Variants in MYCBP2 observed in about 807,000 individuals in gnomAD.
The protein encoded by MYCBP2 is MYC binding protein 2, also known as E3 ubiquitin-protein ligase MYCBP2.
Under a neutral mutation model 525.3 loss-of-function variants are expected in MYCBP2, and 120 were observed. The observed-to-expected ratio is 0.23, with a 90% CI of 0.20 to 0.27. The LOEUF (loss-of-function observed/expected upper bound fraction) is 0.27, where lower values mean the gene tolerates loss of function less well. Among genes scored for constraint, MYCBP2 ranks in the 10% least tolerant of loss-of-function variants. MYCBP2 has a pLI of 1.00. For synonymous variants in MYCBP2, 1,894 were observed against 1,955.8 expected, an observed-to-expected ratio of 0.97 and a Z score of 0.83; for missense variants, 4,149 against 5,657.1, an observed-to-expected ratio of 0.73 and a Z score of 8.55.
chr13:77,164,883 A>G (rs1279292668), intron 42 of MYCBP2, among the ~76,000 whole-genome samples: 1 of 152,240 alleles, frequency 6.6e-6, no homozygotes, highest in Admixed American at 6.5e-5. Flanking sequence ...GGTATAGCCA[A>G]CTGAGCAGGT....
chr13:77,206,717 T>C lies in MYCBP2; in HGVS notation c.3525A>G (p.Glu1175=). Residue 1175 remains glutamate (E), a synonymous_variant, in exon 24 of 83, where the codon GAA becomes GAG. Transcript: ENST00000544440. ...MQSRCSILSP[E]LALPTGSRAL... ...CCCTTGATCCTGTTGGTAAGGCAAGTTCAGGACTTAGGATACTACATCTGG... is the reference window on the plus strand; with the variant it reads ...CCCTTGATCCTGTTGGTAAGGCAAGCTCAGGACTTAGGATACTACATCTGG... 1 of 1,612,544 alleles carries C rather than the reference T, an allele frequency of 6.2e-7. No homozygotes were observed. Among genetic ancestry groups the C allele is most frequent in the African/African-American group, 1.3e-5 (1 of 75,030 alleles).
At chr13:77,288,064 A>T in intron 3 of MYCBP2, 97 bp downstream of exon 3, 1 of 1,240,586 alleles carries the variant, frequency 8.1e-7, no homozygotes, top group Non-Finnish European at 1.1e-6. Flanking sequence ...GTGCAATTTT[A>T]CATAAAGCAA....
chr13:77,228,840 CAG>C (rs1448442445), intron 18 of MYCBP2, among the ~76,000 whole-genome samples: 1 of 151,844 alleles, frequency 6.6e-6, no homozygotes, highest in African/African-American at 2.4e-5. Context: ...TTTGTATACA[CAG>C]AGAAAAAAGA....
In MYCBP2 at chr13:77,177,859, G is replaced by T; in HGVS notation, c.5229C>A (p.Ser1743=). The T allele has an allele frequency of 6.2e-7, 1 of 1,613,756 alleles. No homozygotes were observed. The highest frequency in any genetic ancestry group is 1.3e-5 in the African/African-American group (1 of 75,012). ...CTACTGAAAAACAGATTGCATCAGG[G>T]GACCCGTTCCCAGTGTTCCAACTTC... ...QGRSWNTGNG[S]PDAICFSVDK... is the part of the protein sequence containing the mutation. Residue 1743 remains serine, a synonymous_variant, in exon 35 of 83, where the codon TCC becomes TCA. Transcript: ENST00000544440.
intron 13 of MYCBP2, among the ~76,000 whole-genome samples, chr13:77,259,375 A>G (rs1458402329): frequency 6.6e-6 from 1 of 152,196 alleles, no homozygotes; most frequent in East Asian, 1.9e-4. Context: ...GATCCTCAAA[A>G]AGGCAGTATC....
chr13:77,127,224 CAG>C (rs1183512551), intron 52 of MYCBP2, among the ~76,000 whole-genome samples: 1 of 151,878 alleles, frequency 6.6e-6, no homozygotes, highest in Admixed American at 6.6e-5. Context: ...AACAGAAAAA[CAG>C]ACTATATTTT....
intron 18 of MYCBP2, among the ~76,000 whole-genome samples, chr13:77,231,824 A>G (rs892520712): frequency 3.3e-5 from 5 of 152,254 alleles, no homozygotes; most frequent in African/African-American, 1.2e-4. Context: ...AGTAGAAATC[A>G]TAAAAGATCA....
At chr13:77,146,891 C>G (rs947275857) in intron 47 of MYCBP2, among the ~76,000 whole-genome samples, 2 of 152,054 alleles carry the variant, frequency 1.3e-5, no homozygotes. Flanking sequence ...AATTCCACTT[C>G]TAAGTATGTA....
intron 34 of MYCBP2, 55 bp downstream of exon 34, chr13:77,180,072 G>C (rs1049049121): frequency 7.1e-7 from 1 of 1,402,958 alleles, no homozygotes. Flanking sequence ...AAAAGAAACT[G>C]TGTAAAAAAC....
Position 77,261,263 on chromosome 13 carries a change from A to G in MYCBP2, c.1760T>C (p.Val587Ala). 1.2e-6 allele frequency: 2 copies of G among 1,613,824 alleles called. No individual in the cohort carries two copies. The highest frequency in any genetic ancestry group is 1.7e-6 in the Non-Finnish European group (2 of 1,179,814). The change falls in exon 12 of 83, where the codon GTT (valine) becomes GCT (alanine). Residue 587 changes from valine to alanine, a missense_variant. Val to Ala is a moderately conservative substitution (Grantham distance 64, BLOSUM62 0). Coordinates refer to ENST00000544440, the MANE Select transcript of MYCBP2 (RefSeq NM_015057.5). Reference sequence around the variant, plus strand: ...AAGGGCGTGAGAGCCATCGTGTCCAACTGAGAAGTGTACTATCTTTGGAGA... The same window carrying G: ...AAGGGCGTGAGAGCCATCGTGTCCAGCTGAGAAGTGTACTATCTTTGGAGA... ...TKSPKIVHFS[V>A]GHDGSHALLV...
intron 1 of MYCBP2, among the ~76,000 whole-genome samples, chr13:77,319,938 CG>C (rs1232066379): frequency 6.6e-6 from 1 of 152,116 alleles, no homozygotes; most frequent in East Asian, 1.9e-4. Context: ...ATGTGCACAC[CG>C]GAAGTTTATT....
In MYCBP2 at chr13:77,251,268, G is replaced by A. The variant is rs749153002; in HGVS notation, c.2264C>T (p.Pro755Leu). Residue 755 changes from proline (P) to leucine (L), a missense_variant, in exon 15 of 83, where the codon CCT becomes CTT. Pro to Leu is a moderately conservative substitution (Grantham distance 98). This residue lies in a region of MYCBP2 where 620 missense variants were observed against 795.5 expected (regional missense o/e 0.78). Transcript: ENST00000544440. ...CAGCTTCCATTTGTGCATGCCTGGA[G>A]GGCACATCATAGACTTCTCATCTTT... ...DEKDEKSMMC[P>L]PGMHKWKLEQ... The A allele has an allele frequency of 9.9e-6, 16 of 1,614,054 alleles. No homozygotes were observed. Among genetic ancestry groups the A allele is most frequent in the Non-Finnish European group, 1.4e-5 (16 of 1,180,018 alleles).
chr13:77,192,185 G>C (rs567299483), intron 27 of MYCBP2, among the ~76,000 whole-genome samples: 66 of 152,282 alleles, frequency 4.3e-4, no homozygotes, highest in Non-Finnish European at 3.7e-4. Context: ...GTTTTGAAAG[G>C]CAGCATATTA....
At chr13:77,215,946 C>T (rs765174501) in intron 21 of MYCBP2, among the ~76,000 whole-genome samples, 5 of 152,134 alleles carry the variant, frequency 3.3e-5, no homozygotes, top group Non-Finnish European at 4.4e-5. Flanking sequence ...GATCCAAAGA[C>T]GTCCTGTAGC....
intron 21 of MYCBP2, among the ~76,000 whole-genome samples, chr13:77,214,529 C>G (rs894616947): frequency 2.0e-5 from 3 of 151,532 alleles, no homozygotes; most frequent in Non-Finnish European, 4.4e-5. Context: ...GAGCAAAGTG[C>G]AAAAGAGCAT....
intron 51 of MYCBP2, 58 bp from the exon 52 acceptor site, chr13:77,139,394 C>T (rs147448479): frequency 1.3e-6 from 2 of 1,562,824 alleles, no homozygotes; most frequent in Admixed American, 1.8e-5. Context: ...ATGAGGCTAG[C>T]AAGGTCTGAA....
At chr13:77,051,310 A>G (rs2036755171) in intron 81 of MYCBP2, 148 bp from the exon 82 acceptor site, 1 of 656,424 alleles carries the variant, frequency 1.5e-6, no homozygotes, top group East Asian at 3.0e-5. Flanking sequence ...GATGATACAC[A>G]TGTTTGAAAA....
intron 1 of MYCBP2, among the ~76,000 whole-genome samples, chr13:77,304,526 G>T (rs559885479): frequency 1.3e-5 from 2 of 152,136 alleles, no homozygotes; most frequent in African/African-American, 4.8e-5. Context: ...GTAAGTTTGA[G>T]TGTTATATAG....
intron 45 of MYCBP2, among the ~76,000 whole-genome samples, chr13:77,157,664 C>A (rs1373586100): frequency 2.0e-5 from 3 of 151,994 alleles, no homozygotes; most frequent in Admixed American, 2.0e-4. Flanking sequence ...GCACAAGAAT[C>A]GCTTGAGTCC....
Sources: gnomAD v4.1 joint callset for allele counts (sites outside exome capture counted in the v4.1 genomes callset) on GRCh38, gnomAD v4.1.1 for gene constraint, gnomAD v4.1.1 regional missense constraint, MANE v1.5 for transcripts, NCBI Gene and HGNC (gene_info 2026-07-23, HGNC 2026-07-21) for gene names.